DENND2B: variants seen among roughly 807,000 people sequenced by gnomAD.
DENND2B encodes DENN domain-containing protein 2B.
DENND2B carries 32 observed loss-of-function variants against 116.0 expected under a neutral mutation model. That is an observed-to-expected ratio of 0.28 (90% CI 0.21 to 0.37). The LOEUF is 0.37. DENND2B is among the 10% of genes least tolerant of loss of function. DENND2B has a pLI of 1.00. For missense variants in DENND2B, 1,276 were observed against 1,477.7 expected (o/e 0.86, Z 2.24); for synonymous variants, 588 against 583.9 (o/e 1.01, Z -0.10).
At chr11:8,745,846 C>T (rs1380811053) in intron 2 of DENND2B, among the ~76,000 whole-genome samples, 3 of 152,224 alleles carry the variant, frequency 2.0e-5, no homozygotes, top group Non-Finnish European at 4.4e-5. Flanking sequence ...AACTGTCATA[C>T]ATGTAAGCCT....
chr11:8,884,595 C>T (rs1402330542), intron 1 of DENND2B, among the ~76,000 whole-genome samples: 1 of 152,070 alleles, frequency 6.6e-6, no homozygotes. Context: ...ATTCAGTGAT[C>T]GATGGTTACA....
At chr11:8,812,692 GA>G (rs1330099694), upstream of DENND2B, among the ~76,000 whole-genome samples, 1 of 152,182 alleles carries the variant, frequency 6.6e-6, no homozygotes, top group East Asian at 1.9e-4. Flanking sequence ...CAAGTCCCAT[GA>G]CTTCCCCCTT....
At chr11:8,726,287 G>A in intron 3 of DENND2B, 78 bp from the exon 4 acceptor site, 1 of 1,526,698 alleles carries the variant, frequency 6.6e-7, no homozygotes. Flanking sequence ...CATGGCAACA[G>A]CAAAGACCAT....
At position 8,712,814 on chromosome 11, in the gene DENND2B, T is replaced by C. The variant is rs148364477; in HGVS notation, c.1988-79A>G. On this transcript the variant is annotated intron_variant, in intron 8 of 19. Transcript: ENST00000313726. The surrounding 1 kb of genome is among the most constrained non-coding windows in gnomAD (Gnocchi z 4.4). ...CCTCTACCCCTGGCTCAGGGCTCCA[T>C]TGCTGTGGAGCACTTTTAAGTACGT... 1.8e-5 allele frequency: 26 copies of C among 1,427,148 alleles called. No individual in the cohort carries two copies. Among genetic ancestry groups the C allele is most frequent in the African/African-American group, 1.3e-4 (9 of 70,986 alleles). 88.4% of individuals were successfully genotyped at this position (1,427,148 alleles called of 1,614,324 possible).
chr11:8,697,697 A>T, intron 16 of DENND2B, 61 bp from the exon 17 acceptor site: 1 of 1,103,306 alleles, frequency 9.1e-7, no homozygotes, highest in South Asian at 1.2e-5. Context: ...ACTATGTGCT[A>T]AGACCTGTTA....
chr11:8,708,101 C>A, intron 11 of DENND2B: 1 of 1,426,628 alleles, frequency 7.0e-7, no homozygotes, highest in Non-Finnish European at 9.2e-7. Flanking sequence ...TCCACACAGG[C>A]TCCACCCTTC....
At chr11:8,764,219 C>CA (rs71452485) in intron 1 of DENND2B, among the ~76,000 whole-genome samples, 1,870 of 147,848 alleles carry the variant, frequency 0.013, 35 homozygotes, top group African/African-American at 0.042. Flanking sequence ...GAATCAATCT[C>CA]AAAAAAAAAA....
chr11:8,823,124 C>T (rs1294958736), intron 4 of DENND2B, among the ~76,000 whole-genome samples: 8 of 151,978 alleles, frequency 5.3e-5, no homozygotes, highest in Non-Finnish European at 2.9e-5. Context: ...AATATCCATA[C>T]ATATTTACAC....
At chr11:8,800,538 A>G (rs1256109278) in intron 1 of DENND2B, among the ~76,000 whole-genome samples, 1 of 152,200 alleles carries the variant, frequency 6.6e-6, no homozygotes, top group African/African-American at 2.4e-5. Context: ...GGTCTTCTAA[A>G]GCAAAAATAA....
intron 1 of DENND2B, among the ~76,000 whole-genome samples, chr11:8,901,224 CTTTTCTT>C (rs2064164550): frequency 3.6e-5 from 2 of 55,748 alleles, no homozygotes; most frequent in African/African-American, 1.1e-4. Context: ...CTTTTCTTTT[CTTTTCTT>C]TTTTTTTTTT....
chr11:8,767,578 C>T (rs2056075552), intron 1 of DENND2B, among the ~76,000 whole-genome samples: 1 of 152,164 alleles, frequency 6.6e-6, no homozygotes, highest in Admixed American at 6.5e-5. Flanking sequence ...ATAATTGGAG[C>T]TTACTAATAT....
At chr11:8,726,380 G>C in intron 3 of DENND2B, 171 bp from the exon 4 acceptor site, 1 of 824,502 alleles carries the variant, frequency 1.2e-6, no homozygotes, top group East Asian at 2.8e-5. Context: ...CAGATGGTCT[G>C]AAAGGCCCCA....
chr11:8,729,626 A>G (rs2047741284), intron 3 of DENND2B, among the ~76,000 whole-genome samples: 1 of 152,004 alleles, frequency 6.6e-6, no homozygotes. Context: ...TGCTTTACCT[A>G]CTCCCAACAG....
rs1403858759 is a variant in DENND2B at position 8,715,733 on chromosome 11, C to T, written c.1715G>A (p.Arg572Lys). 2 of 1,614,194 alleles carry T rather than the reference C, an allele frequency of 1.2e-6. No homozygotes were observed. Among genetic ancestry groups the T allele is most frequent in the South Asian group, 1.1e-5 (1 of 91,082 alleles). The change falls in exon 6 of 20, where the codon AGG (arginine) becomes AAG (lysine). Residue 572 changes from arginine to lysine, a missense_variant. Arg to Lys is a conservative substitution (Grantham distance 26, BLOSUM62 2). Coordinates refer to ENST00000313726, the MANE Select transcript of DENND2B (RefSeq NM_213618.2). ...KSHRLPRLPK[R>K]HSHDDMLLLA... ...CAGCAGCATGTCGTCATGGCTGTGC[C>T]TCTTGGGTAATCGTGGCAGCCGGTG... is the stretch of plus-strand genomic sequence containing the variant.
Position 8,910,123 on chromosome 11 carries a change from G to T in DENND2B, c.-256+698C>A, listed in dbSNP as rs1316484872. Among the ~76,000 whole-genome samples the T allele has an allele frequency of 2.6e-5, 4 of 151,852 alleles. No homozygotes were observed. The East Asian group carries it at 7.8e-4, about 30-fold the overall frequency. On this transcript the variant is annotated intron_variant, in intron 1 of 22. Transcript: ENST00000534127. ...CAAGAGAACAGGTCTCCAAAAATAT[G>T]TGAATCCGTACTTCCCACTGGAGGG...
At chr11:8,729,602 C>T (rs1223139195) in intron 3 of DENND2B, among the ~76,000 whole-genome samples, 5 of 152,134 alleles carry the variant, frequency 3.3e-5, no homozygotes, top group Admixed American at 1.3e-4. Flanking sequence ...CCTACTACTC[C>T]GCAAAGGACT....
chr11:8,745,757 T>G (rs2051123456), intron 2 of DENND2B, among the ~76,000 whole-genome samples: 1 of 152,254 alleles, frequency 6.6e-6, no homozygotes, highest in African/African-American at 2.4e-5. Flanking sequence ...CCAGATATCA[T>G]GCTATGAAGG....
Position 8,712,538 on chromosome 11 carries a change from GAGA to G in DENND2B, c.2172+10_2172+12del, listed in dbSNP as rs1565680569. On this transcript the variant is annotated intron_variant, in intron 9 of 19. Coordinates refer to ENST00000313726, the MANE Select transcript of DENND2B (RefSeq NM_213618.2). This position sits in a 1 kb window ranked among gnomAD's most constrained non-coding sequence, Gnocchi z 4.4. Reference sequence around the variant, plus strand: ...GGGGAATATGGGCAAGGTGGGGAGAGAGAAGGCCTCACCTTGGGAAACTGGTAG... The same window carrying G: ...GGGGAATATGGGCAAGGTGGGGAGAGAGGCCTCACCTTGGGAAACTGGTAG... 1.3e-6 allele frequency: 2 copies of G among 1,549,274 alleles called. No individual in the cohort carries two copies. The highest frequency in any genetic ancestry group is 2.0e-5 in the Admixed American group (1 of 50,898).
intron 1 of DENND2B, among the ~76,000 whole-genome samples, chr11:8,791,070 C>G (rs550284896): frequency 1.3e-5 from 2 of 152,194 alleles, no homozygotes; most frequent in Non-Finnish European, 2.9e-5. Context: ...GCTCCATTTC[C>G]TCACACCTTT....
Sources: allele counts gnomAD v4.1 joint callset (sites outside exome capture counted in the v4.1 genomes callset), GRCh38; gene constraint gnomAD v4.1.1; non-coding constraint Gnocchi (gnomAD v3.1); transcripts MANE v1.5; gene names NCBI Gene and HGNC (gene_info 2026-07-23, HGNC 2026-07-21).